Variants in BTD observed in about 807,000 individuals in gnomAD.
The protein encoded by BTD is biotinidase.
BTD carries 13 observed loss-of-function variants against 17.7 expected under a neutral mutation model. The observed-to-expected ratio is 0.74, with a 90% CI of 0.48 to 1.17. BTD has a LOEUF of 1.17. BTD is among the 50% of genes most tolerant of loss of function. The pLI is 0.00. For missense variants in BTD, 674 were observed against 650.4 expected (o/e 1.04, Z -0.39); for synonymous variants, 240 against 245.2 (o/e 0.98, Z 0.20).
intron 3 of BTD, chr3:15,670,285 A>G (rs1351402342): frequency 6.2e-7 from 1 of 1,613,430 alleles, no homozygotes; most frequent in Non-Finnish European, 8.5e-7. Flanking sequence ...AGGTCTCAGA[A>G]TCGGAGTCGT....
Position 15,682,619 on chromosome 3 carries a change from C to G in BTD, c.400-27441C>G, listed in dbSNP as rs369898802. On this transcript the variant is annotated intron_variant, in intron 3 of 3. Coordinates refer to the BTD transcript ENST00000672141. ...TGAAATTGTGAACTTTTAGTATCTA[C>G]AGCCAGTGTTTTTCTAAAACTTGGC... Among the ~76,000 whole-genome samples the G allele has an allele frequency of 2.6e-5, 4 of 152,170 alleles. No homozygotes were observed. The East Asian group carries it at 7.7e-4, about 29-fold the overall frequency.
intron 1 of BTD, among the ~76,000 whole-genome samples, chr3:15,627,680 A>G (rs2125419363): frequency 6.6e-6 from 1 of 152,244 alleles, no homozygotes; most frequent in Middle Eastern, 3.4e-3. Context: ...ATCCAGCGTC[A>G]GTGTTTCTAG....
At chr3:15,618,723 C>T (rs2064865508) in intron 1 of BTD, among the ~76,000 whole-genome samples, 2 of 152,090 alleles carry the variant, frequency 1.3e-5, no homozygotes, top group Non-Finnish European at 1.5e-5. Context: ...GATGGGGTTT[C>T]ACCATGTTAG....
intron 2 of BTD, among the ~76,000 whole-genome samples, chr3:15,636,862 C>CT (rs202023804): frequency 5.2e-3 from 310 of 59,816 alleles, no homozygotes; most frequent in African/African-American, 0.02. Flanking sequence ...GGTCCAGCTT[C>CT]TTTTTTTTCA....
rs547219276 is a variant in BTD, at chr3:15,636,293, C to T, written c.249+605C>T. On this transcript the variant is annotated intron_variant, in intron 2 of 3. Transcript: ENST00000643237. Reference sequence around the variant, plus strand: ...TGAGGCTCGTTTCCGGTCTCTATGTCGGACTACGATCAGTCTGAGACCTTC... The same window carrying T: ...TGAGGCTCGTTTCCGGTCTCTATGTTGGACTACGATCAGTCTGAGACCTTC... Among the ~76,000 whole-genome samples, 4 of 152,304 alleles carry T rather than the reference C, an allele frequency of 2.6e-5. No homozygotes were observed. The East Asian group carries it at 7.7e-4, about 29-fold the overall frequency.
In BTD at chr3:15,644,438, C is replaced by T. The variant is rs750363004; in HGVS notation, c.522C>T (p.Phe174=). ...GCCCAAAAGATGGGAGATACCAGTT[C>T]AACACAAATGTCGTGTTCAGCAATA... The part of the protein sequence containing the change: ...PRCPKDGRYQ[F]NTNVVFSNNG... Residue 174 remains phenylalanine, a synonymous_variant, in exon 4 of 4, where the codon TTC becomes TTT. Transcript: ENST00000643237. 125 of 1,614,032 alleles carry T rather than the reference C, an allele frequency of 7.7e-5. No individual in the cohort carries two copies. The highest frequency in any genetic ancestry group is 9.2e-5 in the Non-Finnish European group (109 of 1,180,046).
chr3:15,693,534 C>G (rs1016953986), intron 3 of BTD, among the ~76,000 whole-genome samples: 1 of 152,138 alleles, frequency 6.6e-6, no homozygotes, highest in Non-Finnish European at 1.5e-5. Flanking sequence ...CTAGTTGAAT[C>G]TCCACAAGGC....
At chr3:15,691,125 C>CTTT (rs535516050) in intron 3 of BTD, among the ~76,000 whole-genome samples, 1 of 141,486 alleles carries the variant, frequency 7.1e-6, no homozygotes, top group Non-Finnish European at 1.6e-5. Flanking sequence ...CTGAAGTTGT[C>CTTT]TTTTTTTTTT....
chr3:15,651,561 G>A lies in BTD; in HGVS notation c.*6073G>A, dbSNP rs1013353338. 6.6e-6 allele frequency among the ~76,000 whole-genome samples: 1 copy of A among 152,226 alleles called. No individual in the cohort carries two copies. Among genetic ancestry groups the A allele is most frequent in the Non-Finnish European group, 1.5e-5 (1 of 68,042 alleles). On this transcript the variant is annotated 3_prime_UTR_variant, in exon 4 of 4. Transcript: ENST00000643237. ...TGGCGGGAGCAGGGGCTGTGAGAGA[G>A]ACAGCCAGACCGTAGCGGTGTGACA...
At position 15,645,531 on chromosome 3, in the gene BTD, G is replaced by T. The variant is rs200147547; in HGVS notation, c.*43G>T. ...TGGGGCGGACTCTGGCCATCATGTT[G>T]ACAGCCTTGCACTTCCACAGGCTAC... On this transcript the variant is annotated 3_prime_UTR_variant, in exon 4 of 4. Coordinates refer to ENST00000643237, the MANE Select transcript of BTD (RefSeq NM_001370658.1). 13 of 1,594,700 alleles carry T rather than the reference G, an allele frequency of 8.2e-6. No individual in the cohort carries two copies. The Admixed American group carries it at 1.5e-4, about 18-fold the overall frequency.
intron 4 of BTD, chr3:15,720,770 G>T: frequency 5.3e-6 from 4 of 749,564 alleles, no homozygotes; most frequent in Non-Finnish European, 8.5e-6. Flanking sequence ...CTTGAGTAAG[G>T]CTTTCACTCA....
chr3:15,680,021 G>A (rs2067372484), intron 3 of BTD, among the ~76,000 whole-genome samples: 1 of 151,988 alleles, frequency 6.6e-6, no homozygotes, highest in Non-Finnish European at 1.5e-5. Flanking sequence ...TTTCTATAAG[G>A]GACTTGAGCG....
chr3:15,695,731 G>C (rs561647636), intron 3 of BTD, among the ~76,000 whole-genome samples: 1 of 152,214 alleles, frequency 6.6e-6, no homozygotes, highest in African/African-American at 2.4e-5. Flanking sequence ...AGTCTCCCTT[G>C]TTAGGAGGGG....
chr3:15,722,076 A>C (rs1397143025), exon 5 of BTD, among the ~76,000 whole-genome samples: 1 of 152,144 alleles, frequency 6.6e-6, no homozygotes, highest in African/African-American at 2.4e-5. Context: ...ATAAGGGAAT[A>C]GTTTATATGA....
intron 2 of BTD, among the ~76,000 whole-genome samples, chr3:15,636,301 G>T (rs145602733): frequency 6.6e-6 from 1 of 152,276 alleles, no homozygotes; most frequent in Middle Eastern, 3.4e-3. Flanking sequence ...GTCGGACTAC[G>T]ATCAGTCTGA....
intron 1 of BTD, among the ~76,000 whole-genome samples, chr3:15,614,711 C>A (rs759821079): frequency 6.6e-5 from 10 of 151,788 alleles, no homozygotes; most frequent in African/African-American, 1.5e-4. Flanking sequence ...ATCGCCCTAC[C>A]TTAGCCACCC....
At chr3:15,617,525 G>C (rs2064830031) in intron 1 of BTD, among the ~76,000 whole-genome samples, 1 of 152,172 alleles carries the variant, frequency 6.6e-6, no homozygotes, top group Non-Finnish European at 1.5e-5. Flanking sequence ...TTGTTGAAAA[G>C]ACTGTCTTTG....
At chr3:15,700,783 G>C (rs2070465194) in intron 3 of BTD, among the ~76,000 whole-genome samples, 1 of 151,804 alleles carries the variant, frequency 6.6e-6, no homozygotes. Flanking sequence ...AAACACAACA[G>C]TATATAGGCC....
At chr3:15,605,760 CG>C (rs1032866885) in intron 1 of BTD, among the ~76,000 whole-genome samples, 1 of 151,954 alleles carries the variant, frequency 6.6e-6, no homozygotes, top group Admixed American at 6.6e-5. Context: ...AGATGTGAAA[CG>C]GGCTGGGCAC....
Sources: allele counts gnomAD v4.1 joint callset (sites outside exome capture counted in the v4.1 genomes callset), GRCh38; gene constraint gnomAD v4.1.1; transcripts MANE v1.5; gene names NCBI Gene and HGNC (gene_info 2026-07-23, HGNC 2026-07-21).